Variants in MAP2 observed in about 807,000 individuals in gnomAD.
The protein encoded by MAP2 is microtubule-associated protein 2.
Under a neutral mutation model 137.6 loss-of-function variants are expected in MAP2, and 14 were observed. That is an observed-to-expected ratio of 0.10 (90% CI 0.07 to 0.16). The LOEUF is 0.16. Among genes scored for constraint, MAP2 ranks in the 10% least tolerant of loss-of-function variants. The probability of loss-of-function intolerance (pLI) is 1.00; values close to 1 mark genes in which losing one functional copy is unlikely to be tolerated. For synonymous variants in MAP2, 786 were observed against 782.3 expected, an observed-to-expected ratio of 1.00 and a Z score of -0.08; for missense variants, 2,088 against 2,191.5, an observed-to-expected ratio of 0.95 and a Z score of 0.94.
chr2:209,694,121 G>A lies in MAP2; in HGVS notation c.1951G>A (p.Glu651Lys), dbSNP rs748406713. ...AQSYPSDLPE[E>K]PSSPQERMFT... The stretch of plus-strand genomic sequence containing the variant: ...GAGTTATCCATCAGATTTACCTGAA[G>A]AACCCAGTTCTCCTCAAGAAAGAAT... Residue 651 changes from glutamate (E) to lysine (K), a missense_variant, in exon 8 of 16, where the codon GAA (glutamate) becomes AAA (lysine). Glu to Lys is a moderately conservative substitution (Grantham distance 56). Transcript: ENST00000682079. 2.2e-5 allele frequency: 36 copies of A among 1,613,872 alleles called. No individual in the cohort carries two copies. The highest frequency in any genetic ancestry group is 1.1e-5 in the South Asian group (1 of 91,060).
chr2:209,653,025 G>C, intron 4 of MAP2, 117 bp from the exon 5 acceptor site: 1 of 686,572 alleles, frequency 1.5e-6, no homozygotes, highest in Non-Finnish European at 2.4e-6. Flanking sequence ...TATTGTACAT[G>C]TTTTCTTTGA....
intron 2 of MAP2, among the ~76,000 whole-genome samples, chr2:209,528,458 T>C (rs982427517): frequency 1.3e-5 from 2 of 152,206 alleles, no homozygotes; most frequent in African/African-American, 4.8e-5. Flanking sequence ...ATTTATAAAA[T>C]AGCAATATAA....
chr2:209,667,486 G>A (rs1235544771), intron 5 of MAP2, among the ~76,000 whole-genome samples: 1 of 151,890 alleles, frequency 6.6e-6, no homozygotes, highest in Non-Finnish European at 1.5e-5. Context: ...TTAGAACCGA[G>A]AATTGGTCAA....
intron 3 of MAP2, among the ~76,000 whole-genome samples, chr2:209,595,042 A>G (rs1331301543): frequency 1.3e-5 from 2 of 152,200 alleles, no homozygotes; most frequent in South Asian, 2.1e-4. Flanking sequence ...CTCCTTCTAC[A>G]ATTCTAAAGA....
At chr2:209,498,170 A>C (rs1456524018) in intron 1 of MAP2, among the ~76,000 whole-genome samples, 2 of 152,238 alleles carry the variant, frequency 1.3e-5, no homozygotes, top group African/African-American at 4.8e-5. Context: ...TGGCCAAAGG[A>C]AAGGGGCTAA....
intron 4 of MAP2, among the ~76,000 whole-genome samples, chr2:209,639,820 A>G (rs919395167): frequency 2.6e-5 from 4 of 150,950 alleles, no homozygotes; most frequent in Non-Finnish European, 5.9e-5. Flanking sequence ...TGTGGAGCCT[A>G]CTCTGTGCCA....
At chr2:209,727,260 G>A (rs2074401667) in intron 14 of MAP2, among the ~76,000 whole-genome samples, 1 of 152,184 alleles carries the variant, frequency 6.6e-6, no homozygotes, top group African/African-American at 2.4e-5. Flanking sequence ...AAATTCTCCT[G>A]TCCACAGCTG....
intron 4 of MAP2, among the ~76,000 whole-genome samples, chr2:209,636,541 T>C (rs2093581146): frequency 6.9e-6 from 1 of 145,376 alleles, no homozygotes; most frequent in Non-Finnish European, 1.5e-5. Flanking sequence ...TATAGTACAA[T>C]ATAATGTTAT....
chr2:209,678,765 A>AT, intron 6 of MAP2, 80 bp downstream of exon 6: 7 of 743,630 alleles, frequency 9.4e-6, no homozygotes, highest in Non-Finnish European at 1.5e-5. Context: ...TTCAAAAGAT[A>AT]GGCCATATCT....
chr2:209,698,177 A>G (rs538619353), intron 10 of MAP2, among the ~76,000 whole-genome samples: 3 of 152,218 alleles, frequency 2.0e-5, no homozygotes, highest in South Asian at 2.1e-4. Context: ...TTCTTCAAAT[A>G]CATATTTTTT....
intron 1 of MAP2, among the ~76,000 whole-genome samples, chr2:209,468,317 CTTTTTTTT>C (rs11450792): frequency 2.3e-5 from 2 of 88,532 alleles, no homozygotes; most frequent in Non-Finnish European, 4.0e-5. Context: ...TTTAGTGTTT[CTTTTTTTT>C]TTTTTTTTTT....
intron 1 of MAP2, among the ~76,000 whole-genome samples, chr2:209,425,640 G>A (rs561123507): frequency 4.6e-5 from 7 of 152,306 alleles, no homozygotes; most frequent in African/African-American, 1.7e-4. Context: ...GAGGTTTGCA[G>A]CCACAGTGAG....
chr2:209,437,294 G>GCTAA (rs1696571185), intron 1 of MAP2, among the ~76,000 whole-genome samples: 2 of 151,568 alleles, frequency 1.3e-5, no homozygotes, highest in Non-Finnish European at 3.0e-5. Flanking sequence ...GTAGGAAGAT[G>GCTAA]CTAAGACCCA....
intron 3 of MAP2, among the ~76,000 whole-genome samples, chr2:209,620,188 A>G (rs2090714797): frequency 6.6e-6 from 1 of 152,100 alleles, no homozygotes; most frequent in African/African-American, 2.4e-5. Context: ...TTTATCCTTC[A>G]CCTACTTGTA....
chr2:209,718,644 C>A (rs915126567), intron 13 of MAP2, among the ~76,000 whole-genome samples: 2 of 152,122 alleles, frequency 1.3e-5, no homozygotes, highest in Non-Finnish European at 2.9e-5. Flanking sequence ...CTGTGCCATG[C>A]GACTCAGCTT....
chr2:209,618,320 G>A (rs1183280373), intron 3 of MAP2, among the ~76,000 whole-genome samples: 2 of 152,076 alleles, frequency 1.3e-5, no homozygotes, highest in African/African-American at 4.8e-5. Context: ...AAATGTGAGG[G>A]TTTGTAACAG....
chr2:209,524,313 G>C (rs1010884442), intron 2 of MAP2, among the ~76,000 whole-genome samples: 3 of 151,654 alleles, frequency 2.0e-5, no homozygotes, highest in Non-Finnish European at 4.4e-5. Flanking sequence ...AGTTTCTTTA[G>C]TCTTTTTCTT....
At chr2:209,514,443 T>C (rs1381759054) in intron 2 of MAP2, among the ~76,000 whole-genome samples, 1 of 152,118 alleles carries the variant, frequency 6.6e-6, no homozygotes, top group Non-Finnish European at 1.5e-5. Flanking sequence ...TATGTTTTCA[T>C]ACAAACCCCA....
chr2:209,559,804 C>T (rs1361807136), intron 2 of MAP2, among the ~76,000 whole-genome samples: 1 of 151,944 alleles, frequency 6.6e-6, no homozygotes, highest in African/African-American at 2.4e-5. Flanking sequence ...TTTCCCTGTG[C>T]CAGTCCTGGA....
Sources: allele counts gnomAD v4.1 joint callset (sites outside exome capture counted in the v4.1 genomes callset), GRCh38; gene constraint gnomAD v4.1.1; transcripts MANE v1.5; gene names NCBI Gene and HGNC (gene_info 2026-07-23, HGNC 2026-07-21).